DRAXIN: variants seen among roughly 807,000 people sequenced by gnomAD.
DRAXIN encodes the protein dorsal inhibitory axon guidance protein, also known as dorsal repulsive axon guidance protein.
DRAXIN carries 27 observed loss-of-function variants against 33.9 expected under a neutral mutation model. The ratio of observed to expected loss-of-function variants is 0.80; its 90% confidence interval spans 0.59 to 1.10. The LOEUF is 1.10. DRAXIN is among the 50% of genes least tolerant of loss of function. The pLI, the probability that DRAXIN is intolerant of heterozygous loss-of-function variation, is 0.00. For synonymous variants in DRAXIN, 178 were observed against 194.0 expected, an observed-to-expected ratio of 0.92 and a Z score of 0.69; for missense variants, 371 against 460.8, an observed-to-expected ratio of 0.81 and a Z score of 1.78.
At chr1:11,695,515 G>A (rs1255210524) in intron 1 of DRAXIN, among the ~76,000 whole-genome samples, 1 of 151,842 alleles carries the variant, frequency 6.6e-6, no homozygotes, top group Non-Finnish European at 1.5e-5. Context: ...GAACCCAGGA[G>A]GCACAGGTTG....
chr1:11,699,103 G>A (rs1360601045), intron 1 of DRAXIN, among the ~76,000 whole-genome samples: 2 of 152,128 alleles, frequency 1.3e-5, no homozygotes, highest in Non-Finnish European at 2.9e-5. Flanking sequence ...CAGACAGATG[G>A]AGGAGTCTTA....
chr1:11,708,069 G>T (rs1641418059), intron 2 of DRAXIN, among the ~76,000 whole-genome samples: 1 of 152,304 alleles, frequency 6.6e-6, no homozygotes, highest in East Asian at 1.9e-4. Context: ...GGTCAGTCAG[G>T]GTCCCCCGGC....
Position 11,721,324 on chromosome 1 carries a change from C to T in DRAXIN, c.*1628C>T, listed in dbSNP as rs1174300001. ...CCCTAACAGGCCAGACTCACAATGC[C>T]CACCCAGGACATCTGTCCCAGCAGA... On this transcript the variant is annotated 3_prime_UTR_variant, in exon 7 of 7. Coordinates refer to ENST00000294485, the MANE Select transcript of DRAXIN (RefSeq NM_198545.4). The T allele has an allele frequency of 6.6e-6, 1 of 152,164 alleles. No individual in the cohort carries two copies. The highest frequency in any genetic ancestry group is 1.5e-5 in the Non-Finnish European group (1 of 68,040). The allele number at this position is 152,164 out of a possible 1,614,324, so 9.4% of individuals were successfully genotyped here.
Position 11,705,297 on chromosome 1 carries a change from C to T in DRAXIN, c.-10-952C>T, listed in dbSNP as rs969003405. Among the ~76,000 whole-genome samples the T allele has an allele frequency of 1.3e-5, 2 of 152,034 alleles. No individual in the cohort carries two copies. Among genetic ancestry groups the T allele is most frequent in the Non-Finnish European group, 2.9e-5 (2 of 67,994 alleles). ...TGGGGGAGCAGCTGCGGGTGGTGCACGGGGGCAGGAGGTCTCCAGAGTCTG... is the reference window on the plus strand; with the variant it reads ...TGGGGGAGCAGCTGCGGGTGGTGCATGGGGGCAGGAGGTCTCCAGAGTCTG... On this transcript the variant is annotated intron_variant, in intron 1 of 6. Transcript: ENST00000294485. This position sits in a 1 kb window ranked among gnomAD's most constrained non-coding sequence, Gnocchi z 4.8.
At chr1:11,702,508 T>G (rs559760478) in intron 1 of DRAXIN, among the ~76,000 whole-genome samples, 158 of 148,944 alleles carry the variant, frequency 1.1e-3, no homozygotes, top group African/African-American at 3.7e-3. Flanking sequence ...ATGATCATAG[T>G]ATACACACAC....
rs1415963657 is a variant in DRAXIN, at chr1:11,723,870, G to A, written c.*4174G>A. The A allele has an allele frequency of 1.3e-5, 2 of 152,244 alleles. No homozygotes were observed. Among genetic ancestry groups the A allele is most frequent in the African/African-American group, 4.8e-5 (2 of 41,456 alleles). 9.4% of individuals were successfully genotyped at this position (152,244 alleles called of 1,614,324 possible). ...AGCCTCCCAAAGTGCTGGGATTACAGGCATGAGCCAGCATGCCTGGCCTGT... is the reference window on the plus strand; with the variant it reads ...AGCCTCCCAAAGTGCTGGGATTACAAGCATGAGCCAGCATGCCTGGCCTGT... On this transcript the variant is annotated 3_prime_UTR_variant, in exon 7 of 7. Coordinates refer to ENST00000294485, the MANE Select transcript of DRAXIN (RefSeq NM_198545.4).
intron 5 of DRAXIN, among the ~76,000 whole-genome samples, chr1:11,714,144 G>A (rs548041352): frequency 2.0e-5 from 3 of 152,266 alleles, no homozygotes; most frequent in South Asian, 2.1e-4. Context: ...GGTCAAGGCT[G>A]CAGCGAGATA....
rs180687626 is a variant in DRAXIN, at chr1:11,694,838, C to G, written c.-11+2985C>G. Among the ~76,000 whole-genome samples, 53 of 152,246 alleles carry G rather than the reference C, an allele frequency of 3.5e-4. No homozygotes were observed. The East Asian group carries it at 9.5e-3, about 27-fold the overall frequency. On this transcript the variant is annotated intron_variant, in intron 1 of 6. Coordinates refer to ENST00000294485, the MANE Select transcript of DRAXIN (RefSeq NM_198545.4). This position sits in a 1 kb window ranked among gnomAD's most constrained non-coding sequence, Gnocchi z 4.9. ...TGAATCCTTGCCAGTAGAGGCTCTG[C>G]CACCCCAGGTTCCAGCTTGACAACG... is the stretch of plus-strand genomic sequence containing the variant.
chr1:11,708,634 C>T (rs377465325), intron 2 of DRAXIN, among the ~76,000 whole-genome samples: 17 of 152,252 alleles, frequency 1.1e-4, no homozygotes, highest in African/African-American at 3.1e-4. Context: ...TGCATCCTTG[C>T]GTGAGTCACC....
intron 4 of DRAXIN, among the ~76,000 whole-genome samples, 155 bp from the exon 5 acceptor site, chr1:11,712,183 CAT>C (rs1641505028): frequency 1.3e-5 from 2 of 152,316 alleles, no homozygotes; most frequent in South Asian, 4.1e-4. Context: ...TGTTTCCACT[CAT>C]GTTACCCTGA....
At chr1:11,700,754 A>G (rs867742495) in intron 1 of DRAXIN, among the ~76,000 whole-genome samples, 1 of 152,122 alleles carries the variant, frequency 6.6e-6, no homozygotes, top group Non-Finnish European at 1.5e-5. Flanking sequence ...CTTCCGCACC[A>G]TCTGAGCAGC....
At chr1:11,718,141 T>TAAAAAAAAAAAA (rs60384383) in intron 6 of DRAXIN, among the ~76,000 whole-genome samples, 1 of 116,184 alleles carries the variant, frequency 8.6e-6, no homozygotes, top group African/African-American at 3.2e-5. Context: ...CCATCTCTGC[T>TAAAAAAAAAAAA]AAAAAAAAAA....
At chr1:11,702,097 T>TCA (rs35757760) in intron 1 of DRAXIN, among the ~76,000 whole-genome samples, 108,851 of 150,944 alleles carry the variant, frequency 0.72, 40,228 homozygotes, top group African/African-American at 0.9. Context: ...ACACATGCTC[T>TCA]CACACACGCG....
chr1:11,699,627 C>G (rs1006264974), intron 1 of DRAXIN, among the ~76,000 whole-genome samples: 1 of 152,070 alleles, frequency 6.6e-6, no homozygotes, highest in Admixed American at 6.6e-5. Context: ...TAAAGCAAAC[C>G]GCCGGGCGCA....
chr1:11,719,127 C>T (rs1350108092), intron 6 of DRAXIN, among the ~76,000 whole-genome samples: 1 of 152,184 alleles, frequency 6.6e-6, no homozygotes, highest in African/African-American at 2.4e-5. Context: ...TGGTCTCAAA[C>T]TCCTGACCTC....
chr1:11,718,475 T>C (rs1435419884), intron 6 of DRAXIN, among the ~76,000 whole-genome samples: 1 of 152,174 alleles, frequency 6.6e-6, no homozygotes, highest in Non-Finnish European at 1.5e-5. Context: ...TATTTTTTAA[T>C]TTTTTTGAGA....
In DRAXIN at chr1:11,712,408, C is replaced by A. The variant is rs1641508386; in HGVS notation, c.826C>A (p.His276Asn). Residue 276 changes from histidine (H) to asparagine (N), a missense_variant, in exon 5 of 7, where the codon CAT becomes AAT. Physicochemically the swap from His to Asn is moderately conservative, Grantham distance 68 (BLOSUM62 1). Transcript: ENST00000294485. ...TSPAEGEPCD[H>N]HQDCLPGTCC... The stretch of plus-strand genomic sequence containing the variant: ...ACCAGCCGAAGGGGAACCATGCGAC[C>A]ATCACCAAGACTGCCTGCCAGGTAC... 1 of 1,614,122 alleles carries A rather than the reference C, an allele frequency of 6.2e-7. No homozygotes were observed. Among genetic ancestry groups the A allele is most frequent in the East Asian group, 2.2e-5 (1 of 44,886 alleles).
At chr1:11,708,166 C>T (rs930529639) in intron 2 of DRAXIN, among the ~76,000 whole-genome samples, 3 of 152,214 alleles carry the variant, frequency 2.0e-5, no homozygotes, top group African/African-American at 7.2e-5. Flanking sequence ...CTAGAGGGCA[C>T]GCGTGGGGTG....
chr1:11,712,090 AG>A, intron 4 of DRAXIN, 125 bp downstream of exon 4: 3 of 997,262 alleles, frequency 3.0e-6, no homozygotes, highest in Admixed American at 2.1e-5. Context: ...ATGTGGGGAG[AG>A]GGGGAGCATG....
Sources: gnomAD v4.1 joint callset for allele counts (sites outside exome capture counted in the v4.1 genomes callset) on GRCh38, gnomAD v4.1.1 for gene constraint, Gnocchi (gnomAD v3.1) non-coding constraint, MANE v1.5 for transcripts, NCBI Gene and HGNC (gene_info 2026-07-23, HGNC 2026-07-21) for gene names.